DNAH11: variants seen among roughly 807,000 people sequenced by gnomAD.
The protein encoded by DNAH11 is dynein axonemal heavy chain 11, also known as axonemal beta dynein heavy chain 11.
In DNAH11, 442 loss-of-function variants were observed where a neutral mutation model predicts 526.0. The observed-to-expected ratio is 0.84, with a 90% confidence interval of 0.78 to 0.91. The LOEUF (loss-of-function observed/expected upper bound fraction) is 0.91. Ranked by LOEUF, DNAH11 falls within the 40% of genes least tolerant of loss-of-function variation. The pLI, the probability that DNAH11 is intolerant of heterozygous loss-of-function variation, is 0.00. For missense variants in DNAH11, 6,989 were observed against 5,448.7 expected, an observed-to-expected ratio of 1.28 and a Z score of -8.90; for synonymous variants, 2,461 against 1,935.9, an observed-to-expected ratio of 1.27 and a Z score of -7.12.
intron 9 of DNAH11, among the ~76,000 whole-genome samples, chr7:21,584,020 C>T (rs113405716): frequency 0.061 from 9,304 of 152,184 alleles, 925 homozygotes; most frequent in African/African-American, 0.21. Flanking sequence ...GACAGTGCGG[C>T]GATTCCTCAA....
intron 73 of DNAH11, among the ~76,000 whole-genome samples, chr7:21,871,049 A>G (rs887507673): frequency 6.6e-6 from 1 of 152,372 alleles, no homozygotes; most frequent in East Asian, 1.9e-4. Context: ...TAACGTGGGT[A>G]TATGATATGT....
chr7:21,698,068 T>C lies in DNAH11; in HGVS notation c.6042-7T>C. 6.2e-7 allele frequency: 1 copy of C among 1,603,950 alleles called. No individual in the cohort carries two copies. The highest frequency in any genetic ancestry group is 8.5e-7 in the Non-Finnish European group (1 of 1,176,458). On this transcript the variant is annotated splice_region_variant and splice_polypyrimidine_tract_variant and intron_variant, in intron 35 of 81. Coordinates refer to ENST00000409508, the MANE Select transcript of DNAH11 (RefSeq NM_001277115.2). ...TTTTAAAACTAAAATTCTTATTTAC[T>C]TTTTAGACCCTGTGCCATGGTGGCC... is the stretch of plus-strand genomic sequence containing the variant.
Position 21,588,525 on chromosome 7 carries a change from A to C in DNAH11, c.1862A>C (p.His621Pro). The C allele has an allele frequency of 6.2e-7, 1 of 1,613,816 alleles. No individual in the cohort carries two copies. The highest frequency in any genetic ancestry group is 1.3e-5 in the African/African-American group (1 of 75,058). The change falls in exon 11 of 82, where the codon CAT becomes CCT. Residue 621 changes from histidine (H) to proline (P), a missense_variant. Physicochemically the swap from His to Pro is moderately conservative, Grantham distance 77. Coordinates refer to ENST00000409508, the MANE Select transcript of DNAH11 (RefSeq NM_001277115.2). The part of the protein sequence containing the change: ...NEHMKQIECG[H>P]VVLNKNMPFT... ...ATCAACTTGCAGATTGAATGTGGTC[A>C]TGTAGTTCTTAACAAGAACATGCCA...
intron 66 of DNAH11, among the ~76,000 whole-genome samples, chr7:21,845,267 GTATCA>G (rs1034505146): frequency 6.6e-5 from 10 of 151,988 alleles, no homozygotes; most frequent in African/African-American, 2.4e-4. Flanking sequence ...TTGTTTTTTG[GTATCA>G]TATCTAAGAA....
intron 6 of DNAH11, among the ~76,000 whole-genome samples, chr7:21,569,076 C>T (rs1280806778): frequency 6.6e-6 from 1 of 152,096 alleles, no homozygotes; most frequent in African/African-American, 2.4e-5. Flanking sequence ...TGAATGATTT[C>T]CTTATTGCCT....
chr7:21,616,711 G>A (rs756573722), intron 22 of DNAH11, among the ~76,000 whole-genome samples: 1 of 152,090 alleles, frequency 6.6e-6, no homozygotes, highest in Non-Finnish European at 1.5e-5. Flanking sequence ...GGATTTATGC[G>A]GAATACTATG....
intron 76 of DNAH11, among the ~76,000 whole-genome samples, chr7:21,888,255 C>G (rs867874408): frequency 6.6e-6 from 1 of 151,998 alleles, no homozygotes. Context: ...CATTTTTGAC[C>G]CAGAAGGCCA....
chr7:21,719,069 G>T (rs1312800911), intron 43 of DNAH11, among the ~76,000 whole-genome samples: 1 of 152,050 alleles, frequency 6.6e-6, no homozygotes, highest in African/African-American at 2.4e-5. Flanking sequence ...GATTCTCTGT[G>T]GTGTGAACTT....
At chr7:21,714,008 G>C (rs1286887112) in intron 42 of DNAH11, among the ~76,000 whole-genome samples, 1 of 152,154 alleles carries the variant, frequency 6.6e-6, no homozygotes, top group African/African-American at 2.4e-5. Flanking sequence ...GTGCGTGGCA[G>C]CATTCATTTC....
chr7:21,561,029 G>A lies in DNAH11; in HGVS notation c.883-42G>A. ...CAGAATGCATGTATTTAGTAATCGA[G>A]TTTATATTTATTAAAGTTCTTCTTT... On this transcript the variant is annotated intron_variant, in intron 4 of 81. Transcript: ENST00000409508. 2.9e-6 allele frequency: 4 copies of A among 1,372,526 alleles called. No homozygotes were observed. In the South Asian group the frequency reaches 3.8e-5, roughly 13 times the overall value. The allele number at this position is 1,372,526 out of a possible 1,614,324, so 85.0% of individuals were successfully genotyped here. A position where few individuals can be genotyped will look rare whatever the true frequency, so the allele number is the denominator to read the frequency against.
chr7:21,633,540 T>C (rs1209169606), intron 25 of DNAH11, among the ~76,000 whole-genome samples: 1 of 152,250 alleles, frequency 6.6e-6, no homozygotes, highest in Non-Finnish European at 1.5e-5. Flanking sequence ...TTTTAAATTG[T>C]GATTTTTTAC....
At chr7:21,620,731 C>T (rs1246633658) in intron 25 of DNAH11, among the ~76,000 whole-genome samples, 58 of 113,910 alleles carry the variant, frequency 5.1e-4, no homozygotes, top group Admixed American at 1.5e-3. Flanking sequence ...CACCCCACAA[C>T]AGTCCCCAGA....
intron 74 of DNAH11, among the ~76,000 whole-genome samples, chr7:21,875,496 C>A (rs918847546): frequency 6.6e-6 from 1 of 151,998 alleles, no homozygotes; most frequent in African/African-American, 2.4e-5. Flanking sequence ...AATACACGTT[C>A]GAAAATATAC....
rs148881732 is a variant in DNAH11, at chr7:21,896,756, TTTC to T, written c.13049+1760_13049+1762del. On this transcript the variant is annotated intron_variant, in intron 79 of 81. Coordinates refer to ENST00000409508, the MANE Select transcript of DNAH11 (RefSeq NM_001277115.2). ...TATATCTTCAACTGTCTCCAATCTGTTTCTTAATTATTTAGATGTCATTGTCCA... is the reference window on the plus strand; with the variant it reads ...TATATCTTCAACTGTCTCCAATCTGTTTAATTATTTAGATGTCATTGTCCA... Among the ~76,000 whole-genome samples, 1,022 of 152,306 alleles carry T rather than the reference TTTC, an allele frequency of 6.7e-3. 1 individual carries two copies. The highest frequency in any genetic ancestry group is 0.01 in the Non-Finnish European group (693 of 68,036).
At chr7:21,798,327 C>G (rs556389518) in intron 61 of DNAH11, among the ~76,000 whole-genome samples, 140 of 152,326 alleles carry the variant, frequency 9.2e-4, no homozygotes, top group Admixed American at 1.8e-3. Context: ...AAGTCCTGAC[C>G]TCAGGTGATC....
At chr7:21,796,000 A>G (rs1788698062) in intron 61 of DNAH11, among the ~76,000 whole-genome samples, 1 of 147,982 alleles carries the variant, frequency 6.8e-6, no homozygotes, top group South Asian at 2.2e-4. Context: ...ACATGACTGA[A>G]GAGTAGAGTA....
intron 30 of DNAH11, among the ~76,000 whole-genome samples, chr7:21,664,756 G>A (rs1289836308): frequency 7.2e-5 from 11 of 151,900 alleles, no homozygotes; most frequent in Middle Eastern, 3.2e-3. Context: ...CCACTGCCTC[G>A]GCCAGTTGTA....
chr7:21,838,015 A>G (rs1164656057), intron 65 of DNAH11, among the ~76,000 whole-genome samples: 1 of 152,250 alleles, frequency 6.6e-6, no homozygotes, highest in Non-Finnish European at 1.5e-5. Flanking sequence ...TCCTGAAGTT[A>G]GGCTGAGTCA....
intron 66 of DNAH11, among the ~76,000 whole-genome samples, chr7:21,846,952 C>A (rs1267836082): frequency 6.6e-6 from 1 of 152,100 alleles, no homozygotes; most frequent in Admixed American, 6.6e-5. Context: ...CAGTTCACTT[C>A]ATCTAAGTTA....
Sources: allele counts gnomAD v4.1 joint callset (sites outside exome capture counted in the v4.1 genomes callset), GRCh38; gene constraint gnomAD v4.1.1; transcripts MANE v1.5; gene names NCBI Gene and HGNC (gene_info 2026-07-23, HGNC 2026-07-21).